Variants in PHTF1 observed in about 807,000 individuals in gnomAD.
PHTF1 encodes the protein protein PHTF1.
A neutral mutation model predicts 102.4 loss-of-function variants in PHTF1; 88 were observed. The ratio of observed to expected loss-of-function variants is 0.86; its 90% confidence interval spans 0.72 to 1.03. The LOEUF is 1.03. Among genes scored for constraint, PHTF1 ranks in the 50% least tolerant of loss-of-function variants. The pLI is 0.00. For synonymous variants in PHTF1, 289 were observed against 305.2 expected (o/e 0.95, Z 0.55); for missense variants, 814 against 909.5 (o/e 0.89, Z 1.35).
chr1:113,725,820 T>C (rs1325485852), intron 6 of PHTF1: 2 of 152,694 alleles, frequency 1.3e-5, no homozygotes. Flanking sequence ...AAAAAAAAAT[T>C]AGCTGGGTGT....
intron 13 of PHTF1, 44 bp from the exon 14 acceptor site, chr1:113,704,841 G>A: frequency 7.6e-7 from 1 of 1,315,848 alleles, no homozygotes; most frequent in Non-Finnish European, 1.1e-6. Flanking sequence ...GTATGTATGT[G>A]TCTGTGTATT....
chr1:113,752,709 T>C (rs1055571242), intron 3 of PHTF1, among the ~76,000 whole-genome samples: 2 of 152,190 alleles, frequency 1.3e-5, no homozygotes, highest in African/African-American at 4.8e-5. Context: ...TATATATTCT[T>C]AGGATTTTCT....
chr1:113,754,922 C>G lies in PHTF1; in HGVS notation c.102+2777G>C, dbSNP rs148142275. Among the ~76,000 whole-genome samples the G allele has an allele frequency of 7.7e-3, 1,166 of 152,222 alleles. 9 individuals carry two copies. The highest frequency in any genetic ancestry group is 0.013 in the Non-Finnish European group (915 of 68,002). ...ATTGGGCTACTTACTTGCTCTTCCT[C>G]TAAACAAGTCTTATACTTCTGTTTG... On this transcript the variant is annotated intron_variant, in intron 3 of 18. Coordinates refer to ENST00000369604, the MANE Select transcript of PHTF1 (RefSeq NM_001323043.2).
intron 11 of PHTF1, 112 bp from the exon 12 acceptor site, chr1:113,706,834 T>C: frequency 1.9e-6 from 1 of 525,100 alleles, no homozygotes; most frequent in South Asian, 3.1e-5. Context: ...TCTATAATGC[T>C]GGTCCTTTCT....
At chr1:113,703,441 AG>A (rs1308383336) in intron 15 of PHTF1, among the ~76,000 whole-genome samples, 3 of 152,208 alleles carry the variant, frequency 2.0e-5, no homozygotes, top group Non-Finnish European at 4.4e-5. Context: ...AGGGTACAGG[AG>A]GGGGTTTCTA....
intron 18 of PHTF1, among the ~76,000 whole-genome samples, chr1:113,697,969 A>G (rs1344173126): frequency 1.3e-5 from 2 of 152,230 alleles, no homozygotes; most frequent in South Asian, 2.1e-4. Flanking sequence ...CCAGGATCAG[A>G]GTAAGACCAT....
At chr1:113,757,463 T>C (rs1659053086) in intron 3 of PHTF1, among the ~76,000 whole-genome samples, 1 of 152,240 alleles carries the variant, frequency 6.6e-6, no homozygotes, top group Admixed American at 6.5e-5. Context: ...GCCCTATTTA[T>C]ATGGGACATT....
At chr1:113,757,895 C>A in intron 2 of PHTF1, 140 bp from the exon 3 acceptor site, 1 of 630,788 alleles carries the variant, frequency 1.6e-6, no homozygotes, top group Non-Finnish European at 2.9e-6. Flanking sequence ...TAGAATAAAT[C>A]AATACTTCGA....
At chr1:113,727,163 T>A (rs1373109861) in intron 5 of PHTF1, among the ~76,000 whole-genome samples, 6 of 152,184 alleles carry the variant, frequency 3.9e-5, no homozygotes, top group Non-Finnish European at 8.8e-5. Flanking sequence ...GATTTTCACA[T>A]AAATAGTAAT....
chr1:113,732,833 A>C (rs2101544839), intron 5 of PHTF1, among the ~76,000 whole-genome samples: 1 of 152,310 alleles, frequency 6.6e-6, no homozygotes, highest in Admixed American at 6.5e-5. Context: ...CAAGTGACCA[A>C]GGAAATTCAT....
intron 3 of PHTF1, among the ~76,000 whole-genome samples, chr1:113,740,545 C>T (rs1283450243): frequency 6.6e-6 from 1 of 152,092 alleles, no homozygotes; most frequent in Non-Finnish European, 1.5e-5. Flanking sequence ...GTTTCCTTTG[C>T]TGTGCAGAAG....
chr1:113,759,505 G>T (rs1458935938), upstream of PHTF1: 4 of 152,304 alleles, frequency 2.6e-5, no homozygotes, highest in Non-Finnish European at 5.9e-5. Flanking sequence ...GGCTAGAGCC[G>T]CTCAGCCGAC....
At chr1:113,709,310 C>G (rs1014501198) in intron 11 of PHTF1, among the ~76,000 whole-genome samples, 1 of 151,968 alleles carries the variant, frequency 6.6e-6, no homozygotes, top group African/African-American at 2.4e-5. Context: ...TTTAATGAAG[C>G]GATTTTTTAA....
Position 113,716,447 on chromosome 1 carries a change from C to A in PHTF1, c.624-3009G>T, listed in dbSNP as rs1230645. Among the ~76,000 whole-genome samples, 25 of 150,510 alleles carry A rather than the reference C, an allele frequency of 1.7e-4. 1 individual carries two copies. In the South Asian group the frequency reaches 4.9e-3, roughly 29 times the overall value. ...ACTGCCTCAACGTCCTGGGCTCAGGCGATCTTCTTGTCTCAACCTCCAGCA... is the reference window on the plus strand; with the variant it reads ...ACTGCCTCAACGTCCTGGGCTCAGGAGATCTTCTTGTCTCAACCTCCAGCA... On this transcript the variant is annotated intron_variant, in intron 7 of 18. Transcript: ENST00000369604.
intron 3 of PHTF1, among the ~76,000 whole-genome samples, chr1:113,747,400 T>A (rs765005189): frequency 1.8e-4 from 27 of 152,206 alleles, no homozygotes; most frequent in Non-Finnish European, 3.7e-4. Flanking sequence ...GAACACAACA[T>A]ATATCAGTTT....
At chr1:113,721,040 G>A (rs745903984) in intron 7 of PHTF1, among the ~76,000 whole-genome samples, 8 of 152,210 alleles carry the variant, frequency 5.3e-5, no homozygotes, top group Non-Finnish European at 1.0e-4. Flanking sequence ...GGGAAGCAGA[G>A]TTTGCAGTGA....
At chr1:113,727,633 A>G (rs1654041491) in intron 5 of PHTF1, among the ~76,000 whole-genome samples, 2 of 152,212 alleles carry the variant, frequency 1.3e-5, no homozygotes, top group Admixed American at 6.5e-5. Flanking sequence ...TTTTGATCAC[A>G]TCTATACAAA....
intron 5 of PHTF1, among the ~76,000 whole-genome samples, chr1:113,732,576 T>C (rs571012090): frequency 2.4e-4 from 37 of 152,236 alleles, no homozygotes; most frequent in African/African-American, 8.7e-4. Context: ...GTGGCATAGA[T>C]ATGAGAATAA....
chr1:113,711,419 T>C (rs1237216614), intron 10 of PHTF1, among the ~76,000 whole-genome samples: 2 of 152,184 alleles, frequency 1.3e-5, no homozygotes, highest in African/African-American at 4.8e-5. Context: ...CAAAAATCTG[T>C]CTTCATCAGC....
Sources: allele counts gnomAD v4.1 joint callset (sites outside exome capture counted in the v4.1 genomes callset), GRCh38; gene constraint gnomAD v4.1.1; transcripts MANE v1.5; gene names NCBI Gene and HGNC (gene_info 2026-07-23, HGNC 2026-07-21).